The following SLC14A2 variants were observed in gnomAD, a reference collection of about 807,000 sequenced individuals.
SLC14A2 encodes solute carrier family 14 member 2, also known as urea transporter 2.
A neutral mutation model predicts 104.6 loss-of-function variants in SLC14A2; 91 were observed. The ratio of observed to expected loss-of-function variants is 0.87; its 90% CI spans 0.73 to 1.04. SLC14A2 has a LOEUF of 1.04. SLC14A2 is among the 50% of genes least tolerant of loss of function. The pLI is 0.00. For synonymous variants in SLC14A2, 476 were observed against 466.4 expected (o/e 1.02, Z -0.27); for missense variants, 1,189 against 1,156.0 (o/e 1.03, Z -0.41).
At chr18:45,231,572 G>A (rs187015234) in intron 1 of SLC14A2, among the ~76,000 whole-genome samples, 10 of 152,216 alleles carry the variant, frequency 6.6e-5, no homozygotes, top group South Asian at 2.1e-4. Flanking sequence ...AAAACCCTTC[G>A]TTGTCTCCAG....
intron 9 of SLC14A2, among the ~76,000 whole-genome samples, chr18:45,643,577 G>A (rs575063435): frequency 6.6e-6 from 1 of 152,268 alleles, no homozygotes; most frequent in African/African-American, 2.4e-5. Flanking sequence ...CTGTTGCCCA[G>A]GCTGGAATGC....
At chr18:45,236,545 ATGTGTG>A (rs1422573378) in intron 1 of SLC14A2, among the ~76,000 whole-genome samples, 1 of 124,460 alleles carries the variant, frequency 8.0e-6, no homozygotes, top group Non-Finnish European at 1.7e-5. Flanking sequence ...ATATACATGT[ATGTGTG>A]TATATATGTG....
chr18:45,396,264 T>C lies in SLC14A2; in HGVS notation c.-124-86969T>C, dbSNP rs2086029473. Among the ~76,000 whole-genome samples, 3 of 152,194 alleles carry C rather than the reference T, an allele frequency of 2.0e-5. No individual in the cohort carries two copies. In the South Asian group the frequency reaches 6.2e-4, roughly 32 times the overall value. The stretch of plus-strand genomic sequence containing the variant: ...CCAATAGCTAGTCTTCCCAGATCTG[T>C]GTGATCCCACAATCCTTTCTATGAC... On this transcript the variant is annotated intron_variant, in intron 1 of 20. Coordinates refer to the SLC14A2 transcript ENST00000586448.
rs138122573 is a variant in SLC14A2 at position 45,636,311 on chromosome 18, A to G, written c.651-679A>G. 1.0e-3 allele frequency among the ~76,000 whole-genome samples: 153 copies of G among 152,328 alleles called. 1 individual carries two copies. The highest frequency in any genetic ancestry group is 3.3e-3 in the African/African-American group (139 of 41,572). ...TAGGGTGGCTGGTGCCTTCCAGAGGAAACTGAAGCTAAGGGAGATTAATTA... is the reference window on the plus strand; with the variant it reads ...TAGGGTGGCTGGTGCCTTCCAGAGGGAACTGAAGCTAAGGGAGATTAATTA... On this transcript the variant is annotated intron_variant, in intron 5 of 19. Coordinates refer to ENST00000255226, the MANE Select transcript of SLC14A2 (RefSeq NM_007163.4).
At chr18:45,489,067 A>G (rs2087669282) in intron 2 of SLC14A2, among the ~76,000 whole-genome samples, 1 of 152,210 alleles carries the variant, frequency 6.6e-6, no homozygotes, top group Non-Finnish European at 1.5e-5. Flanking sequence ...GTAGACAAAA[A>G]TGGTTTTGAT....
At chr18:45,179,274 G>A in the SLC14A2 span, among the ~76,000 whole-genome samples, 7 of 152,128 alleles carry the variant, frequency 4.6e-5, no homozygotes, top group Non-Finnish European at 7.3e-5. Context: ...GAGAAAGGTC[G>A]GAGAGGCCAT....
At chr18:45,529,674 T>C (rs2043651685) in intron 2 of SLC14A2, 1 of 152,168 alleles carries the variant, frequency 6.6e-6, no homozygotes, top group Non-Finnish European at 1.5e-5. Context: ...AGTATCTCGG[T>C]CAGCAAGAGA....
At chr18:45,443,478 A>G (rs1197686084) in intron 1 of SLC14A2, among the ~76,000 whole-genome samples, 2 of 152,238 alleles carry the variant, frequency 1.3e-5, no homozygotes, top group Non-Finnish European at 2.9e-5. Flanking sequence ...GATGTGTGGC[A>G]GAACTGTCTC....
intron 10 of SLC14A2, among the ~76,000 whole-genome samples, chr18:45,648,251 G>C (rs1452270093): frequency 7.3e-6 from 1 of 137,778 alleles, no homozygotes; most frequent in Middle Eastern, 3.9e-3. Context: ...TATCGCCCAG[G>C]CTGGAGTGCA....
intron 1 of SLC14A2, among the ~76,000 whole-genome samples, chr18:45,316,717 C>T (rs1040191774): frequency 6.6e-6 from 1 of 152,182 alleles, no homozygotes; most frequent in Non-Finnish European, 1.5e-5. Context: ...CAACTACACA[C>T]ATGACCTGAA....
chr18:45,454,192 A>G (rs1293680264), intron 1 of SLC14A2, among the ~76,000 whole-genome samples: 1 of 152,160 alleles, frequency 6.6e-6, no homozygotes, highest in Non-Finnish European at 1.5e-5. Context: ...AAAGAAGCTT[A>G]GAGCTGGGGA....
intron 1 of SLC14A2, among the ~76,000 whole-genome samples, chr18:45,449,237 G>GAT (rs750678721): frequency 5.9e-5 from 9 of 152,168 alleles, no homozygotes; most frequent in Non-Finnish European, 1.3e-4. Flanking sequence ...GACAAACAAG[G>GAT]ATAAAGACTA....
At chr18:45,671,960 C>T (rs1158974411) in intron 16 of SLC14A2, among the ~76,000 whole-genome samples, 1 of 152,196 alleles carries the variant, frequency 6.6e-6, no homozygotes, top group African/African-American at 2.4e-5. Context: ...CCACAAGGCA[C>T]CAGACTTTTT....
chr18:45,391,549 A>C (rs566417358), intron 1 of SLC14A2, among the ~76,000 whole-genome samples: 18 of 152,262 alleles, frequency 1.2e-4, no homozygotes, highest in Admixed American at 5.9e-4. Context: ...CCAACAGTGT[A>C]AAAGTGTTCC....
chr18:45,637,469 T>C (rs952891612), intron 6 of SLC14A2, among the ~76,000 whole-genome samples: 1 of 152,182 alleles, frequency 6.6e-6, no homozygotes, highest in African/African-American at 2.4e-5. Flanking sequence ...ACAGATAACA[T>C]GCAAGTGAAC....
intron 3 of SLC14A2, 63 bp from the exon 4 acceptor site, chr18:45,626,895 C>T (rs1250992016): frequency 1.5e-6 from 2 of 1,331,482 alleles, no homozygotes; most frequent in Non-Finnish European, 2.1e-6. Context: ...GCCATGCCAA[C>T]CAGCAGTTCA....
At chr18:45,388,064 CTTTTTTTTTTT>C (rs58962313) in intron 1 of SLC14A2, among the ~76,000 whole-genome samples, 1 of 69,052 alleles carries the variant, frequency 1.4e-5, no homozygotes, top group African/African-American at 6.0e-5. Flanking sequence ...TTGCTCATAT[CTTTTTTTTTTT>C]TTTTTTTTTT....
intron 2 of SLC14A2, among the ~76,000 whole-genome samples, chr18:45,599,286 AG>A (rs1256601403): frequency 2.0e-5 from 3 of 152,174 alleles, no homozygotes; most frequent in Admixed American, 2.0e-4. Flanking sequence ...CTCTTGATCA[AG>A]GGTTCATTTC....
intron 1 of SLC14A2, among the ~76,000 whole-genome samples, chr18:45,371,205 C>A (rs1767906871): frequency 6.6e-6 from 1 of 152,182 alleles, no homozygotes. Context: ...AAGGACCCAA[C>A]CAGCCTTTTG....
Sources: gnomAD v4.1 joint callset for allele counts (sites outside exome capture counted in the v4.1 genomes callset) on GRCh38, gnomAD v4.1.1 for gene constraint, MANE v1.5 for transcripts, NCBI Gene and HGNC (gene_info 2026-07-23, HGNC 2026-07-21) for gene names.